The following EZH1 variants were observed in gnomAD, a reference collection of about 807,000 sequenced individuals.
EZH1 encodes histone-lysine N-methyltransferase EZH1.
A neutral mutation model predicts 100.5 loss-of-function variants in EZH1; 33 were observed. The ratio of observed to expected loss-of-function variants is 0.33; its 90% CI spans 0.25 to 0.44. The LOEUF (loss-of-function observed/expected upper bound fraction) is 0.44. EZH1 is among the 20% of genes least tolerant of loss of function. EZH1 has a pLI of 1.00. For missense variants in EZH1, 475 were observed against 928.4 expected (o/e 0.51, Z 6.35); for synonymous variants, 272 against 313.8 (o/e 0.87, Z 1.41).
chr17:42,720,254 G>A lies in EZH1; in HGVS notation c.664+19C>T. On this transcript the variant is annotated intron_variant, in intron 7 of 20. Coordinates refer to ENST00000428826, the MANE Select transcript of EZH1 (RefSeq NM_001991.5). Reference sequence around the variant, plus strand: ...CCCTGTCACTTTAAAAAAGGAATAAGGGAGCCAGTGCTACGTACCTTCAAT... The same window carrying A: ...CCCTGTCACTTTAAAAAAGGAATAAAGGAGCCAGTGCTACGTACCTTCAAT... 1 of 1,602,026 alleles carries A rather than the reference G, an allele frequency of 6.2e-7. No individual in the cohort carries two copies.
intron 1 of EZH1, among the ~76,000 whole-genome samples, chr17:42,744,476 T>C (rs907911948): frequency 3.9e-5 from 6 of 152,014 alleles, no homozygotes; most frequent in Admixed American, 6.6e-5. Flanking sequence ...CGACCCTGAG[T>C]CAGTGCTCCT....
rs112509477 is a variant in EZH1, at chr17:42,720,130, A to G, written c.664+143T>C. 5.2e-3 allele frequency: 3,777 copies of G among 728,500 alleles called. 13 individuals are homozygous for G. Among genetic ancestry groups the G allele is most frequent in the Non-Finnish European group, 7.2e-3 (3,307 of 460,400 alleles). 45.1% of individuals were successfully genotyped at this position (728,500 alleles called of 1,614,324 possible). On this transcript the variant is annotated intron_variant, in intron 7 of 20. Coordinates refer to ENST00000428826, the MANE Select transcript of EZH1 (RefSeq NM_001991.5). ...ACCCAAGTCACAGCTATCTGAAGCTATCACTTAATGATCATGTTCTCCTTT... is the reference window on the plus strand; with the variant it reads ...ACCCAAGTCACAGCTATCTGAAGCTGTCACTTAATGATCATGTTCTCCTTT...
intron 19 of EZH1, 88 bp from the exon 20 acceptor site, chr17:42,703,049 C>T: frequency 1.6e-6 from 2 of 1,274,610 alleles, no homozygotes; most frequent in Non-Finnish European, 2.3e-6. Flanking sequence ...CTCCAAATTC[C>T]CAGTGAAAAC....
intron 10 of EZH1, chr17:42,714,551 T>A (rs2053552935): frequency 3.5e-6 from 1 of 286,684 alleles, no homozygotes; most frequent in Admixed American, 3.3e-5. Context: ...GTGTGCTGAA[T>A]GTATTGGTGC....
rs1171101321 is a variant in EZH1 at position 42,727,758 on chromosome 17, C to T, written c.123G>A (p.Leu41=). The change falls in exon 4 of 21, where the codon TTG becomes TTA. Residue 41 remains leucine, a synonymous_variant. Coordinates refer to ENST00000428826, the MANE Select transcript of EZH1 (RefSeq NM_001991.5). ...RLQANMGAKA[L]YVANFAKVQE... ...GAACCTTTGCAAAATTTGCCACATA[C>T]AAAGCCTAGCAAAGCCATGGAAAAG... The T allele has an allele frequency of 2.5e-6, 4 of 1,589,916 alleles. No homozygotes were observed. Among genetic ancestry groups the T allele is most frequent in the Non-Finnish European group, 3.4e-6 (4 of 1,172,462 alleles).
intron 1 of EZH1, among the ~76,000 whole-genome samples, chr17:42,736,988 AT>A (rs1178668278): frequency 1.9e-3 from 272 of 143,902 alleles, no homozygotes; most frequent in Admixed American, 1.9e-3. Flanking sequence ...TAGCTTTACA[AT>A]TTTTTTTTTT....
intron 1 of EZH1, among the ~76,000 whole-genome samples, chr17:42,736,375 AT>A (rs1341614242): frequency 6.6e-6 from 1 of 152,218 alleles, no homozygotes; most frequent in Admixed American, 6.5e-5. Context: ...AAATGTTCAT[AT>A]TTATTTATAA....
In EZH1 at chr17:42,730,288, A is replaced by G. The variant is rs117035341; in HGVS notation, c.-12+540T>C. ...AACCAAGTTTGCATCCAAGGGTTTC[A>G]TGGAAAGATCCACCCATGCTACAAA... On this transcript the variant is annotated intron_variant, in intron 2 of 20. Coordinates refer to ENST00000428826, the MANE Select transcript of EZH1 (RefSeq NM_001991.5). Among the ~76,000 whole-genome samples, 4 of 152,242 alleles carry G rather than the reference A, an allele frequency of 2.6e-5. No individual in the cohort carries two copies. In the East Asian group the frequency reaches 7.7e-4, roughly 29 times the overall value.
At chr17:42,709,742 T>A (rs1244271302) in intron 13 of EZH1, 104 bp downstream of exon 13, 2 of 1,039,342 alleles carry the variant, frequency 1.9e-6, no homozygotes, top group East Asian at 2.4e-5. Flanking sequence ...TCACACAGCC[T>A]GTGCGGTTGC....
chr17:42,732,725 T>C (rs969823731), intron 1 of EZH1, among the ~76,000 whole-genome samples: 2 of 152,056 alleles, frequency 1.3e-5, no homozygotes, highest in Admixed American at 1.3e-4. Flanking sequence ...GCCGAGATCG[T>C]GCCACTGCAC....
intron 1 of EZH1, among the ~76,000 whole-genome samples, chr17:42,733,868 G>A (rs2054008313): frequency 1.3e-5 from 2 of 148,666 alleles, no homozygotes; most frequent in Admixed American, 1.4e-4. Flanking sequence ...TTGAACACAG[G>A]AGGTGGAGGT....
At chr17:42,710,532 C>T (rs2053456017) in intron 12 of EZH1, among the ~76,000 whole-genome samples, 1 of 151,876 alleles carries the variant, frequency 6.6e-6, no homozygotes, top group Admixed American at 6.6e-5. Context: ...CATACAAATC[C>T]ATAGATGGTT....
chr17:42,734,110 C>T (rs1031047590), intron 1 of EZH1, among the ~76,000 whole-genome samples: 12 of 150,778 alleles, frequency 8.0e-5, no homozygotes, highest in African/African-American at 2.4e-4. Flanking sequence ...TGTAGTGGCA[C>T]GATCTTGGCT....
At chr17:42,744,727 G>A (rs1294692009) in intron 1 of EZH1, among the ~76,000 whole-genome samples, 1 of 151,862 alleles carries the variant, frequency 6.6e-6, no homozygotes, top group Admixed American at 6.6e-5. Context: ...GCCATCCAAC[G>A]GGATTCCCCG....
intron 4 of EZH1, 72 bp from the exon 5 acceptor site, chr17:42,724,496 C>A: frequency 6.4e-7 from 1 of 1,568,332 alleles, no homozygotes; most frequent in Non-Finnish European, 8.7e-7. Flanking sequence ...AATTTCCTTC[C>A]AAAATTGGCT....
intron 18 of EZH1, 34 bp from the exon 19 acceptor site, chr17:42,703,854 C>A: frequency 1.4e-6 from 2 of 1,475,370 alleles, no homozygotes; most frequent in Non-Finnish European, 1.9e-6. Flanking sequence ...ACCATAAGCA[C>A]AGCAGGCAAT....
chr17:42,704,326 G>A (rs2053305410), intron 18 of EZH1, among the ~76,000 whole-genome samples: 1 of 152,110 alleles, frequency 6.6e-6, no homozygotes, highest in Admixed American at 6.5e-5. Context: ...ATCACTTGAG[G>A]CCAGGAGTTC....
At chr17:42,727,366 C>T (rs542110994) in intron 4 of EZH1, among the ~76,000 whole-genome samples, 1 of 151,926 alleles carries the variant, frequency 6.6e-6, no homozygotes, top group East Asian at 1.9e-4. Context: ...AATCCTTCCA[C>T]CTCAGCCTCA....
chr17:42,724,615 C>T (rs973901838), intron 4 of EZH1, 191 bp from the exon 5 acceptor site: 1 of 492,044 alleles, frequency 2.0e-6, no homozygotes, highest in Non-Finnish European at 3.7e-6. Flanking sequence ...AACCCCATCT[C>T]TACAAAAACA....
Sources: gnomAD v4.1 joint callset for allele counts (sites outside exome capture counted in the v4.1 genomes callset) on GRCh38, gnomAD v4.1.1 for gene constraint, MANE v1.5 for transcripts, NCBI Gene and HGNC (gene_info 2026-07-23, HGNC 2026-07-21) for gene names.